SOX6: variants seen among roughly 807,000 people sequenced by gnomAD.
SOX6 encodes SRY-box transcription factor 6.
Under a neutral mutation model 97.8 loss-of-function variants are expected in SOX6, and 11 were observed. That is an observed-to-expected ratio of 0.11 (90% CI 0.07 to 0.19). The LOEUF (loss-of-function observed/expected upper bound fraction) is 0.19. Among genes scored for constraint, SOX6 ranks in the 10% least tolerant of loss-of-function variants. The probability of loss-of-function intolerance (pLI) is 1.00; values close to 1 mark genes in which losing one functional copy is unlikely to be tolerated. For missense variants in SOX6, 810 were observed against 1,039.5 expected (o/e 0.78, Z 3.04); for synonymous variants, 360 against 371.4 (o/e 0.97, Z 0.35).
intron 3 of SOX6, among the ~76,000 whole-genome samples, chr11:16,684,906 A>C (rs1483687894): frequency 6.6e-6 from 1 of 152,136 alleles, no homozygotes; most frequent in Non-Finnish European, 1.5e-5. Context: ...AGGCCCCACG[A>C]GCTTTTACTT....
intron 1 of SOX6, among the ~76,000 whole-genome samples, chr11:16,737,410 T>C (rs1463144241): frequency 1.3e-5 from 2 of 152,012 alleles, no homozygotes; most frequent in Non-Finnish European, 2.9e-5. Flanking sequence ...TTTCACCATG[T>C]TGATCAGGCT....
chr11:16,135,141 G>C (rs1849928585), intron 6 of SOX6, among the ~76,000 whole-genome samples: 1 of 152,010 alleles, frequency 6.6e-6, no homozygotes, highest in Non-Finnish European at 1.5e-5. Context: ...TAAGCCTACT[G>C]TTGAGACCTA....
chr11:16,620,224 C>T (rs1848525634), intron 3 of SOX6, among the ~76,000 whole-genome samples: 1 of 152,140 alleles, frequency 6.6e-6, no homozygotes, highest in East Asian at 1.9e-4. Context: ...TCTCTTAAGT[C>T]TAAATTTTAT....
intron 3 of SOX6, among the ~76,000 whole-genome samples, chr11:16,289,369 C>A (rs1168686727): frequency 6.6e-6 from 1 of 151,952 alleles, no homozygotes; most frequent in Admixed American, 6.6e-5. Flanking sequence ...GCTTCCATAA[C>A]CTACTCTTTG....
At chr11:16,310,328 T>C (rs1272055875) in intron 3 of SOX6, among the ~76,000 whole-genome samples, 1 of 151,994 alleles carries the variant, frequency 6.6e-6, no homozygotes, top group Non-Finnish European at 1.5e-5. Context: ...AAAAATAGAA[T>C]GCAAATATAC....
intron 6 of SOX6, among the ~76,000 whole-genome samples, chr11:16,127,823 TA>T (rs1190427917): frequency 6.6e-6 from 1 of 152,120 alleles, no homozygotes; most frequent in African/African-American, 2.4e-5. Context: ...ATAACAGACA[TA>T]AACAAACCCA....
rs1190207558 is a variant in SOX6 at position 16,565,769 on chromosome 11, G to A, written n.609+46312C>T. On this transcript the variant is annotated intron_variant and non_coding_transcript_variant, in intron 4 of 5. Transcript: ENST00000524520. ...AAAAAAAAAAAAAAACTCGTCAACA[G>A]AAAGAAATTCCAATGCAGTAAATAT... 6.2e-4 allele frequency among the ~76,000 whole-genome samples: 89 copies of A among 144,328 alleles called. 1 individual carries two copies. Among genetic ancestry groups the A allele is most frequent in the Non-Finnish European group, 6.8e-4 (45 of 66,384 alleles). The allele number at this position is 144,328 out of a possible 152,430, so 94.7% of individuals were successfully genotyped here. A position where few individuals can be genotyped will look rare whatever the true frequency, so the allele number is the denominator to read the frequency against.
intron 3 of SOX6, among the ~76,000 whole-genome samples, chr11:16,634,825 G>A (rs1005921482): frequency 6.6e-6 from 1 of 152,098 alleles, no homozygotes; most frequent in Non-Finnish European, 1.5e-5. Context: ...GAGGGACCCA[G>A]TGAGGGGTAA....
At chr11:16,505,232 G>A (rs1860766573) in intron 4 of SOX6, among the ~76,000 whole-genome samples, 1 of 152,176 alleles carries the variant, frequency 6.6e-6, no homozygotes. Flanking sequence ...GGCTGAGGTG[G>A]TCTCAGATGG....
intron 13 of SOX6, among the ~76,000 whole-genome samples, chr11:16,011,483 T>G (rs575528696): frequency 6.6e-6 from 1 of 152,254 alleles, no homozygotes; most frequent in Admixed American, 6.5e-5. Context: ...TTTTATATTT[T>G]TAATTTCTGT....
intron 1 of SOX6, among the ~76,000 whole-genome samples, chr11:16,425,368 C>T (rs1859103726): frequency 6.6e-6 from 1 of 152,220 alleles, no homozygotes; most frequent in African/African-American, 2.4e-5. Flanking sequence ...AGGCACTGTT[C>T]TAGTTGCTGA....
intron 9 of SOX6, among the ~76,000 whole-genome samples, chr11:16,091,190 G>A (rs895121587): frequency 1.3e-5 from 2 of 152,038 alleles, no homozygotes; most frequent in South Asian, 4.1e-4. Context: ...GAGTCAGAAG[G>A]GTGAGTGAAG....
chr11:16,431,689 T>C (rs11605857), intron 1 of SOX6, among the ~76,000 whole-genome samples: 11 of 152,174 alleles, frequency 7.2e-5, no homozygotes, highest in Non-Finnish European at 1.5e-4. Flanking sequence ...TGAAGCATAT[T>C]AATGTTAATT....
chr11:16,257,783 GA>G (rs1853737709), intron 3 of SOX6, among the ~76,000 whole-genome samples: 3 of 151,576 alleles, frequency 2.0e-5, no homozygotes, highest in African/African-American at 7.3e-5. Context: ...CACAGACTGG[GA>G]AAAAAATATT....
chr11:16,381,724 T>C (rs534320064), intron 1 of SOX6, among the ~76,000 whole-genome samples: 14 of 152,024 alleles, frequency 9.2e-5, no homozygotes, highest in African/African-American at 3.4e-4. Context: ...AAAATTCTAG[T>C]CTCACACATC....
At chr11:16,100,590 T>G (rs1317545391) in intron 7 of SOX6, among the ~76,000 whole-genome samples, 2 of 151,554 alleles carry the variant, frequency 1.3e-5, no homozygotes, top group Non-Finnish European at 3.0e-5. Flanking sequence ...TGAGAGAAAA[T>G]AAATTCTTAA....
intron 6 of SOX6, among the ~76,000 whole-genome samples, chr11:16,181,689 C>T (rs138088825): frequency 3.1e-3 from 466 of 151,628 alleles, no homozygotes; most frequent in Non-Finnish European, 5.2e-3. Flanking sequence ...AATGGTCTCA[C>T]ATGTAGAAGG....
Position 15,986,218 on chromosome 11 carries a change from C to T in SOX6, c.2169G>A (p.Gln723=). 1 of 1,614,110 alleles carries T rather than the reference C, an allele frequency of 6.2e-7. No homozygotes were observed. The highest frequency in any genetic ancestry group is 8.5e-7 in the Non-Finnish European group (1 of 1,179,994). ...LMRSRRQEMR[Q]FFTVGQQPQI... Reference sequence around the variant, plus strand: ...GGAATACTTACCCCACAGTAAAGAACTGCCTCATCTCCTGTCTCCGAGACC... The same window carrying T: ...GGAATACTTACCCCACAGTAAAGAATTGCCTCATCTCCTGTCTCCGAGACC... Residue 723 remains glutamine, a synonymous_variant, in exon 15 of 16, where the codon CAG becomes CAA. Coordinates refer to ENST00000683767, the MANE Select transcript of SOX6 (RefSeq NM_001367873.1).
intron 13 of SOX6, among the ~76,000 whole-genome samples, 195 bp from the exon 14 acceptor site, chr11:15,989,425 A>G (rs1391394858): frequency 6.6e-6 from 1 of 152,166 alleles, no homozygotes; most frequent in Non-Finnish European, 1.5e-5. Flanking sequence ...AGACACACTA[A>G]GAATTAATTT....
Sources: allele counts gnomAD v4.1 joint callset (sites outside exome capture counted in the v4.1 genomes callset), GRCh38; gene constraint gnomAD v4.1.1; transcripts MANE v1.5; gene names NCBI Gene and HGNC (gene_info 2026-07-23, HGNC 2026-07-21).